Variants in PCDHA9 observed in about 807,000 individuals in gnomAD.
The protein encoded by PCDHA9 is protocadherin alpha 9.
A neutral mutation model predicts 62.0 loss-of-function variants in PCDHA9; 62 were observed. The observed-to-expected ratio is 1.00, with a 90% confidence interval of 0.81 to 1.23. PCDHA9 has a LOEUF of 1.23. PCDHA9 is among the 50% of genes most tolerant of loss of function. PCDHA9 has a pLI of 0.00. For synonymous variants in PCDHA9, 557 were observed against 567.6 expected (o/e 0.98, Z 0.27); for missense variants, 1,205 against 1,249.8 (o/e 0.96, Z 0.54).
Position 140,852,025 on chromosome 5 carries a change from G to A in PCDHA9, c.2394+1136G>A, listed in dbSNP as rs955032010. 1.9e-4 allele frequency: 179 copies of A among 947,094 alleles called. 7 individuals are homozygous for A. The highest frequency in any genetic ancestry group is 4.5e-4 in the African/African-American group (25 of 55,960). The allele number at this position is 947,094 out of a possible 1,614,324, so 58.7% of individuals were successfully genotyped here. A position where few individuals can be genotyped will look rare whatever the true frequency, so the allele number is the denominator to read the frequency against. On this transcript the variant is annotated intron_variant, in intron 1 of 3. Coordinates refer to ENST00000532602, the MANE Select transcript of PCDHA9 (RefSeq NM_031857.2). ...TCTAATTTATAGTTTTAAAAACTTC[G>A]CTTATTGAGTTTTTGTTATGTGGTT...
chr5:140,867,751 T>C (rs1280399942), intron 1 of PCDHA9: 2 of 152,116 alleles, frequency 1.3e-5, no homozygotes, highest in Non-Finnish European at 2.9e-5. Context: ...AGTTACAACT[T>C]CAGGCAAAGA....
At chr5:140,989,656 A>T (rs2153884121) in intron 3 of PCDHA9, among the ~76,000 whole-genome samples, 1 of 152,326 alleles carries the variant, frequency 6.6e-6, no homozygotes, top group Non-Finnish European at 1.5e-5. Context: ...GCAATATTTT[A>T]AAAGAAACTC....
chr5:140,971,035 C>T (rs1251023371), intron 1 of PCDHA9, among the ~76,000 whole-genome samples: 1 of 152,098 alleles, frequency 6.6e-6, no homozygotes, highest in African/African-American at 2.4e-5. Flanking sequence ...TTTGAAAGCA[C>T]GTAAAAGGGT....
intron 3 of PCDHA9, among the ~76,000 whole-genome samples, chr5:141,005,701 CAAAAAAAAAA>C (rs59860837): frequency 9.0e-4 from 7 of 7,792 alleles, no homozygotes; most frequent in East Asian, 6.4e-3. Context: ...AACTCCGTCT[CAAAAAAAAAA>C]AAAAAAAAAA....
At chr5:140,871,405 C>T (rs1554165555) in intron 1 of PCDHA9, 10 of 1,614,106 alleles carry the variant, frequency 6.2e-6, no homozygotes, top group Non-Finnish European at 7.6e-6. Flanking sequence ...TAAGACGGAC[C>T]TCATGGCCTT....
intron 1 of PCDHA9, chr5:140,853,207 G>A: frequency 2.0e-6 from 2 of 983,504 alleles, no homozygotes; most frequent in Non-Finnish European, 2.5e-6. Context: ...ATTGACGGCT[G>A]TATTGATGGG....
intron 1 of PCDHA9, among the ~76,000 whole-genome samples, chr5:140,935,149 T>C (rs1241997966): frequency 6.6e-6 from 1 of 152,192 alleles, no homozygotes; most frequent in Admixed American, 6.5e-5. Context: ...CTTAGAGATA[T>C]AATCTCAACA....
At chr5:140,858,233 G>A in intron 1 of PCDHA9, 2 of 1,596,216 alleles carry the variant, frequency 1.3e-6, no homozygotes, top group Non-Finnish European at 1.7e-6. Flanking sequence ...CACCGAGGGC[G>A]CATGTGGGCC....
At chr5:140,923,165 A>G (rs1307354165) in intron 1 of PCDHA9, among the ~76,000 whole-genome samples, 1 of 152,148 alleles carries the variant, frequency 6.6e-6, no homozygotes. Context: ...AGAAAGATAA[A>G]TTTTTGTTCA....
chr5:140,849,445 A>G lies in PCDHA9; in HGVS notation c.950A>G (p.Lys317Arg). The change falls in exon 1 of 4, where the codon AAG becomes AGG. Residue 317 changes from lysine (K) to arginine (R), a missense_variant. Lys to Arg is a conservative substitution (Grantham distance 26). Transcript: ENST00000532602. ...HMDFEESRAH[K>R]IPVEAVDKGF... ...GATTTTGAAGAAAGTAGAGCACACA[A>G]GATCCCAGTCGAGGCTGTCGATAAA... 6.3e-7 allele frequency: 1 copy of G among 1,585,774 alleles called. No homozygotes were observed. Among genetic ancestry groups the G allele is most frequent in the South Asian group, 1.1e-5 (1 of 90,104 alleles).
intron 1 of PCDHA9, chr5:140,858,285 G>A (rs782182754): frequency 1.3e-6 from 2 of 1,597,520 alleles, no homozygotes; most frequent in Non-Finnish European, 8.6e-7. Flanking sequence ...GTGGGGAGCT[G>A]GTCTTACTCG....
At chr5:140,870,777 C>G in intron 1 of PCDHA9, 3 of 1,613,612 alleles carry the variant, frequency 1.9e-6, no homozygotes, top group East Asian at 4.5e-5. Context: ...TGGACGAGAA[C>G]GACAACGCGC....
chr5:140,884,304 C>T (rs1562802468), intron 1 of PCDHA9: 1 of 1,613,710 alleles, frequency 6.2e-7, no homozygotes, highest in East Asian at 2.2e-5. Context: ...CCACAGGCTT[C>T]GTCGAGGGCG....
chr5:140,953,517 A>G (rs1554220954), intron 1 of PCDHA9, among the ~76,000 whole-genome samples: 1 of 152,168 alleles, frequency 6.6e-6, no homozygotes, highest in African/African-American at 2.4e-5. Flanking sequence ...CAAAGCAACA[A>G]AAACGGGAAA....
intron 1 of PCDHA9, chr5:140,929,117 T>C (rs1554206704): frequency 1.9e-6 from 3 of 1,614,160 alleles, no homozygotes; most frequent in African/African-American, 2.7e-5. Context: ...TCAGCCACCA[T>C]AGATGTCACT....
intron 1 of PCDHA9, among the ~76,000 whole-genome samples, chr5:140,957,961 G>C (rs1188264296): frequency 6.6e-6 from 1 of 152,048 alleles, no homozygotes; most frequent in Non-Finnish European, 1.5e-5. Flanking sequence ...TATTAATTCA[G>C]AGATGCTGTA....
At chr5:140,870,461 C>G in intron 1 of PCDHA9, 2 of 1,614,246 alleles carry the variant, frequency 1.2e-6, no homozygotes, top group Admixed American at 3.3e-5. Context: ...AATGCGCCTG[C>G]GTTCGCACAG....
intron 1 of PCDHA9, among the ~76,000 whole-genome samples, chr5:140,935,777 T>C (rs1306193430): frequency 6.6e-6 from 1 of 152,190 alleles, no homozygotes; most frequent in African/African-American, 2.4e-5. Flanking sequence ...TTTGAGTTTT[T>C]TCACTTAAAA....
At chr5:140,877,947 G>A (rs1266600808) in intron 1 of PCDHA9, 2 of 1,351,230 alleles carry the variant, frequency 1.5e-6, no homozygotes, top group African/African-American at 1.5e-5. Context: ...TTAAACTATC[G>A]AATGTCTCAT....
Sources: allele counts gnomAD v4.1 joint callset (sites outside exome capture counted in the v4.1 genomes callset), GRCh38; gene constraint gnomAD v4.1.1; transcripts MANE v1.5; gene names NCBI Gene and HGNC (gene_info 2026-07-23, HGNC 2026-07-21).